Variants in IL1RAPL1 observed in about 807,000 individuals in gnomAD.
IL1RAPL1 encodes interleukin-1 receptor accessory protein-like 1.
A neutral mutation model predicts 48.4 loss-of-function variants in IL1RAPL1; 3 were observed. That is an observed-to-expected ratio of 0.06 (90% CI 0.03 to 0.16). IL1RAPL1 has a LOEUF of 0.16. Among genes scored for constraint, IL1RAPL1 ranks in the 10% least tolerant of loss-of-function variants. IL1RAPL1 has a pLI of 1.00. For missense variants in IL1RAPL1, 349 were observed against 530.6 expected (o/e 0.66, Z 3.36); for synonymous variants, 185 against 187.7 (o/e 0.99, Z 0.12).
At chrX:29,064,080 A>G (rs936151508) in intron 2 of IL1RAPL1, among the ~76,000 whole-genome samples, 1 of 111,697 alleles carries the variant, frequency 9.0e-6, no homozygotes, top group Admixed American at 9.5e-5. Context: ...TTCCTACCCA[A>G]GAGTAGGGCA....
chrX:29,157,675 A>T lies in IL1RAPL1; in HGVS notation c.83-125263A>T, dbSNP rs189611220. On this transcript the variant is annotated intron_variant, in intron 2 of 10. Coordinates refer to ENST00000378993, the MANE Select transcript of IL1RAPL1 (RefSeq NM_014271.4). ...GATCTGAATCCTAAATACTCCATTT[A>T]TTAGCTGTATGACTTTGGGCAAATT... Among the ~76,000 whole-genome samples, 145 of 90,237 alleles carry T rather than the reference A, an allele frequency of 1.6e-3. 1 individual carries two copies. The highest frequency in any genetic ancestry group is 2.6e-3 in the Non-Finnish European group (121 of 46,688). The allele number at this position is 90,237 out of a possible 115,157, so 78.4% of individuals were successfully genotyped here.
chrX:28,654,516 C>T (rs1934728651), intron 1 of IL1RAPL1, among the ~76,000 whole-genome samples: 1 of 111,639 alleles, frequency 9.0e-6, no homozygotes, highest in Non-Finnish European at 1.9e-5. Context: ...ATAATTGTAA[C>T]TCATAGATAA....
At chrX:28,843,009 ATT>A (rs11295194) in intron 2 of IL1RAPL1, among the ~76,000 whole-genome samples, 1 of 104,312 alleles carries the variant, frequency 9.6e-6, no homozygotes, top group African/African-American at 3.4e-5. Flanking sequence ...TTATTTACCC[ATT>A]TTTTTTTTTA....
intron 2 of IL1RAPL1, among the ~76,000 whole-genome samples, chrX:29,212,880 G>A: frequency 8.9e-6 from 1 of 112,222 alleles, no homozygotes; most frequent in Non-Finnish European, 1.9e-5. Context: ...GGAACAGGAG[G>A]AGTTGGCCTT....
rs775129271 is a variant in IL1RAPL1, at chrX:29,322,185, CT to C, written c.362+38971del. Reference sequence around the variant, plus strand: ...AGTTCAACATCTTTCTTTCTCTTTTCTTTCTCTTTTTTTCTTTCTTTTTCTT... The same window carrying C: ...AGTTCAACATCTTTCTTTCTCTTTTCTTCTCTTTTTTTCTTTCTTTTTCTT... On this transcript the variant is annotated intron_variant, in intron 3 of 10. Coordinates refer to ENST00000378993, the MANE Select transcript of IL1RAPL1 (RefSeq NM_014271.4). 3.7e-3 allele frequency among the ~76,000 whole-genome samples: 407 copies of C among 109,170 alleles called. 2 individuals are homozygous for C. The highest frequency in any genetic ancestry group is 0.012 in the African/African-American group (378 of 30,354). The allele number at this position is 109,170 out of a possible 115,157, so 94.8% of individuals were successfully genotyped here. A position where few individuals can be genotyped will look rare whatever the true frequency, so the allele number is the denominator to read the frequency against.
intron 2 of IL1RAPL1, among the ~76,000 whole-genome samples, chrX:28,793,729 T>C (rs757592118): frequency 2.1e-4 from 23 of 110,981 alleles, no homozygotes; most frequent in African/African-American, 6.9e-4. Context: ...GGGACTAAAG[T>C]GTGAGTTGTA....
At chrX:28,702,409 A>G (rs1436884759) in intron 1 of IL1RAPL1, among the ~76,000 whole-genome samples, 1 of 112,133 alleles carries the variant, frequency 8.9e-6, no homozygotes, top group Non-Finnish European at 1.9e-5. Flanking sequence ...TTTCAAGGTT[A>G]TGATGGCACA....
At chrX:29,538,804 A>C (rs1336668547) in intron 5 of IL1RAPL1, among the ~76,000 whole-genome samples, 1 of 111,561 alleles carries the variant, frequency 9.0e-6, no homozygotes, top group Non-Finnish European at 1.9e-5. Context: ...TCAACATAAA[A>C]GATTATAAAT....
At chrX:29,843,873 T>C (rs1489708454) in intron 6 of IL1RAPL1, among the ~76,000 whole-genome samples, 1 of 110,318 alleles carries the variant, frequency 9.1e-6, no homozygotes, top group Non-Finnish European at 1.9e-5. Context: ...CTCCATCTTA[T>C]AAAGATCCTT....
intron 8 of IL1RAPL1, among the ~76,000 whole-genome samples, chrX:29,940,829 G>A (rs1052193434): frequency 8.9e-6 from 1 of 112,048 alleles, no homozygotes; most frequent in African/African-American, 3.2e-5. Flanking sequence ...TGGATAGAAC[G>A]TAGTAACATG....
At chrX:29,906,493 A>T (rs1200133248) in intron 6 of IL1RAPL1, among the ~76,000 whole-genome samples, 4 of 44,253 alleles carry the variant, frequency 9.0e-5, no homozygotes, top group African/African-American at 3.0e-4. Flanking sequence ...ATATATATAT[A>T]TATATATATA....
chrX:29,757,755 A>G (rs944340775), intron 6 of IL1RAPL1, among the ~76,000 whole-genome samples: 1 of 112,489 alleles, frequency 8.9e-6, no homozygotes, highest in African/African-American at 3.2e-5. Context: ...ATGTACATTC[A>G]TAATTGTTGA....
chrX:29,340,368 A>T (rs1933057168), intron 3 of IL1RAPL1, among the ~76,000 whole-genome samples: 1 of 111,285 alleles, frequency 9.0e-6, no homozygotes, highest in Non-Finnish European at 1.9e-5. Context: ...GCTCTTGGCA[A>T]TTACCAATCT....
At chrX:28,649,891 A>G (rs1212160229) in intron 1 of IL1RAPL1, among the ~76,000 whole-genome samples, 1 of 111,707 alleles carries the variant, frequency 9.0e-6, no homozygotes, top group Non-Finnish European at 1.9e-5. Context: ...ATGTCCCCCT[A>G]GTTGGTGAAC....
chrX:29,636,089 A>G (rs1186596608), intron 5 of IL1RAPL1, among the ~76,000 whole-genome samples: 1 of 111,940 alleles, frequency 8.9e-6, no homozygotes, highest in Non-Finnish European at 1.9e-5. Context: ...AAAAAAAACC[A>G]TAAACATGTT....
chrX:28,683,851 G>A (rs1440140335), intron 1 of IL1RAPL1, among the ~76,000 whole-genome samples: 1 of 111,854 alleles, frequency 8.9e-6, no homozygotes, highest in African/African-American at 3.3e-5. Flanking sequence ...TGACCTCTCC[G>A]TTCATCATCT....
intron 5 of IL1RAPL1, among the ~76,000 whole-genome samples, chrX:29,563,722 A>G (rs1362684796): frequency 1.8e-5 from 2 of 111,954 alleles, no homozygotes; most frequent in Non-Finnish European, 3.8e-5. Flanking sequence ...CACTTTCCAC[A>G]CAAACCTCAC....
At chrX:28,682,465 C>T (rs1405254549) in intron 1 of IL1RAPL1, among the ~76,000 whole-genome samples, 4 of 110,964 alleles carry the variant, frequency 3.6e-5, no homozygotes, top group African/African-American at 1.3e-4. Context: ...TGCACCACCA[C>T]ACGCAGCTAA....
At chrX:28,990,402 G>T (rs1925576017) in intron 2 of IL1RAPL1, among the ~76,000 whole-genome samples, 1 of 111,867 alleles carries the variant, frequency 8.9e-6, no homozygotes, top group Non-Finnish European at 1.9e-5. Flanking sequence ...CGTTGATCTG[G>T]ATAGGAGATA....
Sources: gnomAD v4.1 joint callset for allele counts (sites outside exome capture counted in the v4.1 genomes callset) on GRCh38, gnomAD v4.1.1 for gene constraint, MANE v1.5 for transcripts, NCBI Gene and HGNC (gene_info 2026-07-23, HGNC 2026-07-21) for gene names.